ETV6: variants seen among roughly 807,000 people sequenced by gnomAD.
The protein encoded by ETV6 is ETS variant transcription factor 6, also known as transcription factor ETV6.
ETV6 carries 16 observed loss-of-function variants against 51.1 expected under a neutral mutation model. The ratio of observed to expected loss-of-function variants is 0.31; its 90% CI spans 0.21 to 0.48. The LOEUF (loss-of-function observed/expected upper bound fraction) is 0.48. Among genes scored for constraint, ETV6 ranks in the 20% least tolerant of loss-of-function variants. The probability of loss-of-function intolerance (pLI) is 0.99; values close to 1 mark genes in which losing one functional copy is unlikely to be tolerated. For missense variants in ETV6, 458 were observed against 594.8 expected, an observed-to-expected ratio of 0.77 and a Z score of 2.39; for synonymous variants, 240 against 224.1, an observed-to-expected ratio of 1.07 and a Z score of -0.64.
chr12:11,677,404 A>G (rs1864441242), intron 1 of ETV6, among the ~76,000 whole-genome samples: 1 of 152,236 alleles, frequency 6.6e-6, no homozygotes, highest in African/African-American at 2.4e-5. Context: ...TTGGCTGTAT[A>G]CGGACATATA....
rs770131271 is a variant in ETV6 at position 11,686,253 on chromosome 12, G to A, written c.33+36093G>A. ...TTGTGTTCACCAGGGACTAATGATT[G>A]TATTTTTCTTCCCAGTGGGTGGGAT... On this transcript the variant is annotated intron_variant, in intron 1 of 7. Coordinates refer to ENST00000396373, the MANE Select transcript of ETV6 (RefSeq NM_001987.5). 1.3e-4 allele frequency among the ~76,000 whole-genome samples: 20 copies of A among 152,206 alleles called. 1 individual carries two copies. Among genetic ancestry groups the A allele is most frequent in the Non-Finnish European group, 5.9e-5 (4 of 68,030 alleles).
intron 1 of ETV6, among the ~76,000 whole-genome samples, chr12:11,727,096 G>C (rs1312252708): frequency 6.6e-6 from 1 of 152,232 alleles, no homozygotes; most frequent in Non-Finnish European, 1.5e-5. Context: ...GACATTGTCT[G>C]TATTGTGGGG....
rs182924551 is a variant in ETV6, at chr12:11,708,732, G to A, written c.34-43718G>A. Among the ~76,000 whole-genome samples, 3 of 152,306 alleles carry A rather than the reference G, an allele frequency of 2.0e-5. No homozygotes were observed. In the East Asian group the frequency reaches 5.8e-4, roughly 29 times the overall value. ...GTGACTTCCAGAAAGCTGACACCCAGTGCCACTCAACCAACCCTGCTTTTC... is the reference window on the plus strand; with the variant it reads ...GTGACTTCCAGAAAGCTGACACCCAATGCCACTCAACCAACCCTGCTTTTC... On this transcript the variant is annotated intron_variant, in intron 1 of 7. Transcript: ENST00000396373.
chr12:11,702,840 TC>T (rs1865009477), intron 1 of ETV6, among the ~76,000 whole-genome samples: 1 of 152,226 alleles, frequency 6.6e-6, no homozygotes, highest in Non-Finnish European at 1.5e-5. Flanking sequence ...GTTACATTTG[TC>T]ATGCCTGTAA....
At chr12:11,858,257 A>T (rs1946661652) in intron 4 of ETV6, among the ~76,000 whole-genome samples, 1 of 152,194 alleles carries the variant, frequency 6.6e-6, no homozygotes. Flanking sequence ...CTTCACAAAA[A>T]CCAGGAGGCA....
intron 1 of ETV6, chr12:11,751,776 G>A (rs560799607): frequency 2.8e-5 from 13 of 464,804 alleles, no homozygotes; most frequent in African/African-American, 8.0e-5. Flanking sequence ...AGGAAATATC[G>A]ATTCTGAGAT....
intron 2 of ETV6, among the ~76,000 whole-genome samples, chr12:11,824,115 C>T (rs1946120517): frequency 6.6e-6 from 1 of 152,230 alleles, no homozygotes; most frequent in African/African-American, 2.4e-5. Context: ...ATGAAGTCTT[C>T]AGTGACAGAG....
intron 2 of ETV6, among the ~76,000 whole-genome samples, chr12:11,827,825 C>T (rs1292588332): frequency 1.3e-5 from 2 of 152,268 alleles, no homozygotes; most frequent in Admixed American, 6.5e-5. Flanking sequence ...AGAGATGGTC[C>T]GTGTGCGGTT....
chr12:11,711,891 AATTG>A (rs1865180002), intron 1 of ETV6, among the ~76,000 whole-genome samples: 1 of 152,166 alleles, frequency 6.6e-6, no homozygotes, highest in Non-Finnish European at 1.5e-5. Context: ...CCGTGGGTGG[AATTG>A]CATCACTGAA....
chr12:11,875,900 C>T (rs908712467), intron 5 of ETV6, among the ~76,000 whole-genome samples: 3 of 152,144 alleles, frequency 2.0e-5, no homozygotes, highest in Non-Finnish European at 4.4e-5. Flanking sequence ...TGAGTAGTTA[C>T]AACAGAGATT....
In ETV6 at chr12:11,650,491, A is replaced by AAAC. The variant is rs1555109511; in HGVS notation, c.33+333_33+334insCAA. Among the ~76,000 whole-genome samples, 140 of 63,572 alleles carry AAAC rather than the reference A, an allele frequency of 2.2e-3. 5 individuals are homozygous for AAAC. Among genetic ancestry groups the AAAC allele is most frequent in the East Asian group, 0.021 (55 of 2,584 alleles). 41.7% of individuals were successfully genotyped at this position (63,572 alleles called of 152,430 possible). ...CGTAATTAGTGCGCTTAAAAAAAAAAAAAACAAAAAACAAAAAAAAAAAAC... is the reference window on the plus strand; with the variant it reads ...CGTAATTAGTGCGCTTAAAAAAAAAAAACAAAACAAAAAACAAAAAAAAAAAAC... On this transcript the variant is annotated intron_variant, in intron 1 of 7. Transcript: ENST00000396373.
chr12:11,857,261 G>T (rs1177951890), intron 4 of ETV6, among the ~76,000 whole-genome samples: 1 of 152,182 alleles, frequency 6.6e-6, no homozygotes, highest in Non-Finnish European at 1.5e-5. Flanking sequence ...AACTTACATT[G>T]AAATCATGCC....
chr12:11,888,944 T>A (rs1020565539), intron 7 of ETV6, among the ~76,000 whole-genome samples: 2 of 152,128 alleles, frequency 1.3e-5, no homozygotes, highest in African/African-American at 4.8e-5. Context: ...CAGCCTGTAG[T>A]TTTATGTGTC....
chr12:11,800,926 G>A (rs1316424211), intron 2 of ETV6, among the ~76,000 whole-genome samples: 1 of 152,048 alleles, frequency 6.6e-6, no homozygotes, highest in African/African-American at 2.4e-5. Flanking sequence ...TTTAAAACAA[G>A]AATTAAAAAG....
Position 11,893,756 on chromosome 12 carries a change from G to A in ETV6, c.*2710G>A, listed in dbSNP as rs1947334422. On this transcript the variant is annotated 3_prime_UTR_variant, in exon 8 of 8. Transcript: ENST00000396373. ...TATATATGAGCCATAAATGAATTTT[G>A]TGTTTAGACTTTGTGTCCATCCCCA... 5.6e-6 allele frequency: 1 copy of A among 178,866 alleles called. No homozygotes were observed. The highest frequency in any genetic ancestry group is 2.6e-5 in the African/African-American group (1 of 38,472). 11.1% of individuals were successfully genotyped at this position (178,866 alleles called of 1,614,324 possible). A position where few individuals can be genotyped will look rare whatever the true frequency, so the allele number is the denominator to read the frequency against.
intron 2 of ETV6, among the ~76,000 whole-genome samples, chr12:11,755,977 C>T (rs1028440128): frequency 2.0e-5 from 3 of 152,144 alleles, no homozygotes; most frequent in African/African-American, 4.8e-5. Flanking sequence ...TAAAGAGGAG[C>T]AGAGATCATA....
At chr12:11,789,226 T>G (rs1057276764) in intron 2 of ETV6, among the ~76,000 whole-genome samples, 12 of 151,754 alleles carry the variant, frequency 7.9e-5, no homozygotes, top group Admixed American at 1.3e-4. Flanking sequence ...TAGAGACGGG[T>G]TTTCACCATG....
chr12:11,737,056 G>A (rs562819406), intron 1 of ETV6, among the ~76,000 whole-genome samples: 14 of 152,226 alleles, frequency 9.2e-5, no homozygotes, highest in South Asian at 2.1e-4. Flanking sequence ...GGGCTCCTGT[G>A]TGGTTTGGGG....
At chr12:11,692,930 C>A (rs187743500) in intron 1 of ETV6, among the ~76,000 whole-genome samples, 36 of 152,128 alleles carry the variant, frequency 2.4e-4, no homozygotes, top group African/African-American at 8.7e-4. Context: ...GTCCTAGCTA[C>A]CCGGGAGGCT....
Sources: allele counts gnomAD v4.1 joint callset (sites outside exome capture counted in the v4.1 genomes callset), GRCh38; gene constraint gnomAD v4.1.1; transcripts MANE v1.5; gene names NCBI Gene and HGNC (gene_info 2026-07-23, HGNC 2026-07-21).